Variants in ZNF473 observed in about 807,000 individuals in gnomAD.
The protein encoded by ZNF473 is zinc finger protein 473, also known as zinc finger protein 100 homolog.
ZNF473 carries 4 observed loss-of-function variants against 11.1 expected under a neutral mutation model. That is an observed-to-expected ratio of 0.36 (90% confidence interval 0.18 to 0.82). ZNF473 has a LOEUF of 0.82. Ranked by LOEUF, ZNF473 falls within the 40% of genes least tolerant of loss-of-function variation. The probability of loss-of-function intolerance (pLI) is 0.49; values close to 1 mark genes in which losing one functional copy is unlikely to be tolerated. For missense variants in ZNF473, 854 were observed against 1,084.0 expected (o/e 0.79, Z 2.98); for synonymous variants, 404 against 390.4 (o/e 1.03, Z -0.41).
chr19:50,046,860 G>T lies in ZNF473; in HGVS notation c.2417G>T (p.Arg806Ile). The T allele has an allele frequency of 6.2e-7, 1 of 1,614,176 alleles. No homozygotes were observed. Among genetic ancestry groups the T allele is most frequent in the Middle Eastern group, 1.6e-4 (1 of 6,062 alleles). ...AAAGCAAATCTAACACAGCACCAGA[G>T]AATTCACACAGGGGAGAAGCCTTAC... ...AQKANLTQHQ[R>I]IHTGEKPYSC... is the part of the protein sequence containing the mutation. The change falls in exon 5 of 5, where the codon AGA (arginine) becomes ATA (isoleucine). Residue 806 changes from arginine (R) to isoleucine (I), a missense_variant. Arg to Ile is a moderately conservative substitution (Grantham distance 97). Coordinates refer to ENST00000270617, the MANE Select transcript of ZNF473 (RefSeq NM_015428.4). The surrounding 1 kb of genome is among the most constrained non-coding windows in gnomAD (Gnocchi z 5.9).
Position 50,045,382 on chromosome 19 carries a change from T to C in ZNF473, c.939T>C (p.Thr313=). The C allele has an allele frequency of 6.2e-7, 1 of 1,614,082 alleles. No individual in the cohort carries two copies. Among genetic ancestry groups the C allele is most frequent in the Non-Finnish European group, 8.5e-7 (1 of 1,180,020 alleles). Reference sequence around the variant, plus strand: ...CACAGCCTGGTGAGCATCAGAAAACTCACACAGATAGTAAGTCCTACAACT... The same window carrying C: ...CACAGCCTGGTGAGCATCAGAAAACCCACACAGATAGTAAGTCCTACAACT... ...HDTQPGEHQK[T]HTDSKSYNCN... The change falls in exon 5 of 5, where the codon ACT becomes ACC. Residue 313 remains threonine (T), a synonymous_variant. Coordinates refer to ENST00000270617, the MANE Select transcript of ZNF473 (RefSeq NM_015428.4).
chr19:50,038,047 C>G (rs1280878164), intron 2 of ZNF473, among the ~76,000 whole-genome samples: 1 of 147,596 alleles, frequency 6.8e-6, no homozygotes, highest in Non-Finnish European at 1.5e-5. Context: ...CTCACTGTCC[C>G]CCAGGGTGGA....
At chr19:50,027,460 A>G (rs2077292022) in intron 1 of ZNF473, among the ~76,000 whole-genome samples, 1 of 152,078 alleles carries the variant, frequency 6.6e-6, no homozygotes, top group South Asian at 2.1e-4. Flanking sequence ...CAGCCTGATA[A>G]TTGTTTGGCT....
intron 2 of ZNF473, among the ~76,000 whole-genome samples, chr19:50,031,995 C>T (rs1187647658): frequency 1.3e-5 from 2 of 152,026 alleles, no homozygotes; most frequent in Non-Finnish European, 1.5e-5. Flanking sequence ...CGTGTCTCTC[C>T]GTCAGACCAT....
rs975131536 is a variant in ZNF473 at position 50,039,427 on chromosome 19, C to T, written c.136+140C>T. 1.4e-5 allele frequency: 16 copies of T among 1,171,622 alleles called. No homozygotes were observed. In the South Asian group the frequency reaches 1.4e-4, roughly 10 times the overall value. The allele number at this position is 1,171,622 out of a possible 1,614,324, so 72.6% of individuals were successfully genotyped here. ...CCTAGCCCAGCAGTTCTCAGCTGGC[C>T]GAGGAGACATTGGCAATGTGTGGAG... On this transcript the variant is annotated intron_variant, in intron 3 of 4. Transcript: ENST00000270617. The surrounding 1 kb of genome is among the most constrained non-coding windows in gnomAD (Gnocchi z 4.8).
At position 50,046,022 on chromosome 19, in the gene ZNF473, G is replaced by T. The variant is rs200000077; in HGVS notation, c.1579G>T (p.Gly527Cys). The T allele has an allele frequency of 4.4e-5, 71 of 1,614,136 alleles. No individual in the cohort carries two copies. In the South Asian group the frequency reaches 7.7e-4, roughly 17 times the overall value. The change falls in exon 5 of 5, where the codon GGC (glycine) becomes TGC (cysteine). Residue 527 changes from glycine to cysteine, a missense_variant. Around this residue, in one of 2 missense-constraint regions of ZNF473, gnomAD observed 668 missense variants for 790.2 expected, o/e 0.85. Coordinates refer to ENST00000270617, the MANE Select transcript of ZNF473 (RefSeq NM_015428.4). This position sits in a 1 kb window ranked among gnomAD's most constrained non-coding sequence, Gnocchi z 5.9. ...GGAGTGCGGAGAACGCTTCATTTGC[G>T]GCTCAACCCTGAAGTGCCACGAGAG... ...CQECGERFIC[G>C]STLKCHESVH...
chr19:50,040,941 C>T (rs188378654), intron 3 of ZNF473, among the ~76,000 whole-genome samples: 254 of 152,334 alleles, frequency 1.7e-3, no homozygotes, highest in African/African-American at 5.5e-3. Context: ...CCTCGACTGC[C>T]CCTTCACCCA....
intron 4 of ZNF473, chr19:50,043,448 A>ATATAT (rs1555735329): frequency 9.3e-6 from 1 of 107,916 alleles, no homozygotes; most frequent in African/African-American, 3.9e-5. Flanking sequence ...AAAAAAAAAA[A>ATATAT]ATATATATAT....
At chr19:50,037,534 T>A (rs979296187) in intron 2 of ZNF473, among the ~76,000 whole-genome samples, 2 of 151,962 alleles carry the variant, frequency 1.3e-5, no homozygotes, top group Non-Finnish European at 2.9e-5. Context: ...AAACATCCAT[T>A]AACTGTCCAG....
At chr19:50,037,294 A>G (rs1215216918) in intron 2 of ZNF473, among the ~76,000 whole-genome samples, 1 of 152,170 alleles carries the variant, frequency 6.6e-6, no homozygotes, top group African/African-American at 2.4e-5. Flanking sequence ...CACAAGAGAC[A>G]TGCAGCTTAC....
Position 50,046,036 on chromosome 19 carries a change from G to A in ZNF473, c.1593G>A (p.Lys531=). The change falls in exon 5 of 5, where the codon AAG becomes AAA. Residue 531 remains lysine (K), a synonymous_variant. Transcript: ENST00000270617. The surrounding 1 kb of genome is among the most constrained non-coding windows in gnomAD (Gnocchi z 5.9). The part of the protein sequence containing the change: ...GERFICGSTL[K]CHESVHAREK... ...GCTTCATTTGCGGCTCAACCCTGAA[G>A]TGCCACGAGAGTGTTCACGCCAGAG... 1 of 1,614,232 alleles carries A rather than the reference G, an allele frequency of 6.2e-7. No individual in the cohort carries two copies. Among genetic ancestry groups the A allele is most frequent in the Non-Finnish European group, 8.5e-7 (1 of 1,180,046 alleles).
intron 2 of ZNF473, among the ~76,000 whole-genome samples, chr19:50,031,531 G>A (rs1235656836): frequency 6.6e-6 from 1 of 152,098 alleles, no homozygotes; most frequent in Non-Finnish European, 1.5e-5. Flanking sequence ...ATGTGGTAGT[G>A]TCTCACACAG....
In ZNF473 at chr19:50,047,030, G is replaced by T; in HGVS notation, c.2587G>T (p.Val863Leu). 1.2e-6 allele frequency: 2 copies of T among 1,613,480 alleles called. No individual in the cohort carries two copies. The highest frequency in any genetic ancestry group is 8.5e-7 in the Non-Finnish European group (1 of 1,179,820). ...CTCGAGCCTCAGCCGCCATCAGCGTGTACACAACAAGCAGCAATACTGCCT... is the reference window on the plus strand; with the variant it reads ...CTCGAGCCTCAGCCGCCATCAGCGTTTACACAACAAGCAGCAATACTGCCT... ...CHSSLSRHQR[V>L]HNKQQYCL Residue 863 changes from valine (V) to leucine (L), a missense_variant, in exon 5 of 5, where the codon GTA becomes TTA. Coordinates refer to ENST00000270617, the MANE Select transcript of ZNF473 (RefSeq NM_015428.4).
rs117757975 is a variant in ZNF473 at position 50,046,205 on chromosome 19, G to T, written c.1762G>T (p.Val588Leu). 1.2e-6 allele frequency: 2 copies of T among 1,614,060 alleles called. No individual in the cohort carries two copies. The highest frequency in any genetic ancestry group is 1.7e-6 in the Non-Finnish European group (2 of 1,180,046). The part of the protein sequence containing the change: ...TQHERIHTRG[V>L]KPFECDQCGK... ...GCACGAGAGGATTCACACCAGGGGA[G>T]TGAAGCCCTTTGAATGTGACCAGTG... Residue 588 changes from valine (V) to leucine (L), a missense_variant, in exon 5 of 5, where the codon GTG becomes TTG. Val to Leu is a conservative substitution (Grantham distance 32, BLOSUM62 1). This residue lies in a region of ZNF473 where 668 missense variants were observed against 790.2 expected (regional missense o/e 0.85). Transcript: ENST00000270617. This position sits in a 1 kb window ranked among gnomAD's most constrained non-coding sequence, Gnocchi z 5.9.
Position 50,041,710 on chromosome 19 carries a change from A to G in ZNF473, c.137-20A>G. ...TCCTCCATGTCCTGGTTGGGTGACA[A>G]TGCTTTTCTCTCCCTGCAGACCCCC... On this transcript the variant is annotated intron_variant, in intron 3 of 4. Transcript: ENST00000270617. The G allele has an allele frequency of 3.8e-6, 6 of 1,588,874 alleles. No individual in the cohort carries two copies. Among genetic ancestry groups the G allele is most frequent in the South Asian group, 1.1e-5 (1 of 87,874 alleles).
chr19:50,043,769 T>C (rs576385933), intron 4 of ZNF473, among the ~76,000 whole-genome samples: 2 of 152,074 alleles, frequency 1.3e-5, no homozygotes, highest in Non-Finnish European at 2.9e-5. Flanking sequence ...AGTGCTCAGC[T>C]GGTTTTCAGA....
intron 1 of ZNF473, among the ~76,000 whole-genome samples, chr19:50,029,613 C>T (rs536132415): frequency 6.6e-6 from 1 of 152,184 alleles, no homozygotes; most frequent in African/African-American, 2.4e-5. Context: ...TTCAGCACTC[C>T]GCAGATATGT....
intron 4 of ZNF473, 179 bp from the exon 5 acceptor site, chr19:50,044,491 C>T: frequency 1.7e-6 from 1 of 576,230 alleles, no homozygotes; most frequent in Non-Finnish European, 3.1e-6. Context: ...GGTTTCCCAA[C>T]TCCCTTCTTG....
In ZNF473 at chr19:50,045,683, C is replaced by A. The variant is rs1401585770; in HGVS notation, c.1240C>A (p.His414Asn). 2 of 1,614,134 alleles carry A rather than the reference C, an allele frequency of 1.2e-6. No homozygotes were observed. Among genetic ancestry groups the A allele is most frequent in the South Asian group, 2.2e-5 (2 of 91,080 alleles). Residue 414 changes from histidine (H) to asparagine (N), a missense_variant, in exon 5 of 5, where the codon CAT becomes AAT. By Grantham distance (68) the His-to-Asn change is moderately conservative. Coordinates refer to ENST00000270617, the MANE Select transcript of ZNF473 (RefSeq NM_015428.4). ...TAACGAACGTGGGAAATCCTTCAGG[C>A]ATAACTCTACCCTAAAGATCCATCA... ...KCNERGKSFR[H>N]NSTLKIHQRV...
Sources: allele counts gnomAD v4.1 joint callset (sites outside exome capture counted in the v4.1 genomes callset), GRCh38; gene constraint gnomAD v4.1.1; regional missense constraint gnomAD v4.1.1; non-coding constraint Gnocchi (gnomAD v3.1); transcripts MANE v1.5; gene names NCBI Gene and HGNC (gene_info 2026-07-23, HGNC 2026-07-21).